DNAH3: variants seen among roughly 807,000 people sequenced by gnomAD.
DNAH3 encodes the protein axonemal beta dynein heavy chain 3.
In DNAH3, 332 loss-of-function variants were observed where a neutral mutation model predicts 432.5. The ratio of observed to expected loss-of-function variants is 0.77; its 90% CI spans 0.70 to 0.84. The LOEUF (loss-of-function observed/expected upper bound fraction) is 0.84. Ranked by LOEUF, DNAH3 falls within the 40% of genes least tolerant of loss-of-function variation. The probability of loss-of-function intolerance (pLI) is 0.00; values close to 1 mark genes in which losing one functional copy is unlikely to be tolerated. For synonymous variants in DNAH3, 1,956 were observed against 1,900.2 expected (o/e 1.03, Z -0.76); for missense variants, 4,861 against 5,114.0 (o/e 0.95, Z 1.51).
chr16:21,031,347 G>C, intron 36 of DNAH3, 61 bp from the exon 37 acceptor site: 1 of 1,588,808 alleles, frequency 6.3e-7, no homozygotes, highest in African/African-American at 1.3e-5. Context: ...GGTTAAACAA[G>C]AGATGATGTC....
At chr16:20,972,238 CTT>C (rs567074716) in intron 51 of DNAH3, among the ~76,000 whole-genome samples, 28 of 142,940 alleles carry the variant, frequency 2.0e-4, no homozygotes, top group African/African-American at 4.4e-4. Flanking sequence ...TTTTTTCTCT[CTT>C]TTTTTTTTTT....
At chr16:21,063,579 G>T (rs957181373) in intron 24 of DNAH3, among the ~76,000 whole-genome samples, 1 of 147,396 alleles carries the variant, frequency 6.8e-6, no homozygotes, top group African/African-American at 2.5e-5. Context: ...GTCTGTCTCT[G>T]TCACCCGGCC....
intron 11 of DNAH3, chr16:21,117,320 G>C (rs770584549): frequency 1.1e-5 from 18 of 1,596,456 alleles, no homozygotes; most frequent in Admixed American, 8.5e-5. Context: ...TTTCAGCTCT[G>C]GGAACAGGAC....
chr16:21,055,840 A>G (rs1239394035), intron 27 of DNAH3, among the ~76,000 whole-genome samples: 2 of 149,900 alleles, frequency 1.3e-5, no homozygotes, highest in East Asian at 2.0e-4. Context: ...CGACCTCCTG[A>G]GCTCAAGCAA....
chr16:21,136,471 T>C (rs1401606924), exon 6 of DNAH3: 1 of 1,614,036 alleles, frequency 6.2e-7, no homozygotes, highest in Non-Finnish European at 8.5e-7. Context: ...TCAGGGGCAA[T>C]CATGTCTTTG....
intron 41 of DNAH3, among the ~76,000 whole-genome samples, chr16:21,004,614 C>T (rs1035934147): frequency 6.6e-6 from 1 of 152,078 alleles, no homozygotes; most frequent in Non-Finnish European, 1.5e-5. Flanking sequence ...GTGATCCACC[C>T]GACTTGGCCT....
chr16:21,142,631 C>T (rs2092734560), intron 3 of DNAH3, among the ~76,000 whole-genome samples: 1 of 150,406 alleles, frequency 6.6e-6, no homozygotes, highest in Admixed American at 6.6e-5. Flanking sequence ...AAATAGTCCA[C>T]ATATAACAAC....
intron 18 of DNAH3, 93 bp from the exon 19 acceptor site, chr16:21,087,153 T>C: frequency 9.3e-7 from 1 of 1,069,896 alleles, no homozygotes; most frequent in Non-Finnish European, 1.4e-6. Flanking sequence ...GTGCCTCCTG[T>C]CGTTTGGAGA....
intron 53 of DNAH3, among the ~76,000 whole-genome samples, chr16:20,959,674 G>A (rs2152611119): frequency 6.6e-6 from 1 of 150,900 alleles, no homozygotes; most frequent in Non-Finnish European, 1.5e-5. Context: ...CAAAAGGTGG[G>A]GTTCACATTA....
At chr16:20,957,266 A>G (rs995210864) in intron 54 of DNAH3, among the ~76,000 whole-genome samples, 1 of 152,254 alleles carries the variant, frequency 6.6e-6, no homozygotes, top group Non-Finnish European at 1.5e-5. Context: ...GTGAGCCCAC[A>G]TGATCTCTGC....
intron 1 of DNAH3, among the ~76,000 whole-genome samples, chr16:21,154,479 C>T (rs2092886049): frequency 6.6e-6 from 1 of 151,902 alleles, no homozygotes; most frequent in Non-Finnish European, 1.5e-5. Flanking sequence ...AGGAGGTATG[C>T]TACCATCTGA....
At position 20,933,310 on chromosome 16, in the gene DNAH3, AT is replaced by A; in HGVS notation, c.12194del (p.Tyr4065LeufsTer40). The A allele has an allele frequency of 6.2e-7, 1 of 1,614,188 alleles. No homozygotes were observed. The highest frequency in any genetic ancestry group is 8.5e-7 in the Non-Finnish European group (1 of 1,180,028). On this transcript the variant is annotated frameshift_variant, in exon 62 of 62. Transcript: ENST00000261383. LOFTEE classifies it high-confidence loss of function. Reference sequence around the variant, plus strand: ...CACTTGTTTTGTAGACTGGACACACATAGATGTCCTGATGCAGAAACATTGC... The same window carrying A: ...CACTTGTTTTGTAGACTGGACACACAAGATGTCCTGATGCAGAAACATTGC...
intron 39 of DNAH3, among the ~76,000 whole-genome samples, chr16:21,024,193 G>GA: frequency 6.6e-6 from 1 of 152,138 alleles, no homozygotes; most frequent in African/African-American, 2.4e-5. Context: ...CAGAGTCCAG[G>GA]TTACAGGGAT....
chr16:21,140,273 C>G (rs992550556), intron 5 of DNAH3: 6 of 292,146 alleles, frequency 2.1e-5, no homozygotes, highest in Non-Finnish European at 3.1e-5. Context: ...ACTATTTTTG[C>G]AACTTATATT....
chr16:21,159,313 C>A, intron 1 of DNAH3: 2 of 1,609,158 alleles, frequency 1.2e-6, no homozygotes, highest in Non-Finnish European at 1.7e-6. Context: ...GGGACGCGGA[C>A]CCCCTCTCCA....
In DNAH3 at chr16:21,136,406, C is replaced by CG; in HGVS notation, c.803dup (p.Ser269GlufsTer18). On this transcript the variant is annotated frameshift_variant, in exon 6 of 62. Coordinates refer to ENST00000261383, the Ensembl canonical transcript of DNAH3. LOFTEE classifies it high-confidence loss of function. ...CCATCAGGGGCTCCAGGAAGGGACTCGTCAGCAGCGTGTTAGAAATCAGCT... is the reference window on the plus strand; with the variant it reads ...CCATCAGGGGCTCCAGGAAGGGACTCGGTCAGCAGCGTGTTAGAAATCAGCT... 5.0e-6 allele frequency: 8 copies of CG among 1,614,052 alleles called. No homozygotes were observed. Among genetic ancestry groups the CG allele is most frequent in the Non-Finnish European group, 6.8e-6 (8 of 1,179,960 alleles).
At chr16:20,987,329 A>C in exon 47 of DNAH3, 1 of 1,614,178 alleles carries the variant, frequency 6.2e-7, no homozygotes, top group African/African-American at 1.3e-5. Flanking sequence ...GCTTGAAGCA[A>C]TTGGAGGTGG....
chr16:20,938,578 G>T (rs923923253), intron 59 of DNAH3, among the ~76,000 whole-genome samples: 4 of 143,216 alleles, frequency 2.8e-5, no homozygotes, highest in Non-Finnish European at 6.0e-5. Flanking sequence ...CCCAAGGAAA[G>T]AACACTTGCC....
chr16:20,988,409 T>C (rs913911227), intron 44 of DNAH3, among the ~76,000 whole-genome samples: 5 of 152,168 alleles, frequency 3.3e-5, no homozygotes, highest in Admixed American at 1.3e-4. Context: ...TCATATCATG[T>C]TGTATTATAT....
Sources: allele counts gnomAD v4.1 joint callset (sites outside exome capture counted in the v4.1 genomes callset), GRCh38; gene constraint gnomAD v4.1.1; transcripts MANE v1.5; gene names NCBI Gene and HGNC (gene_info 2026-07-23, HGNC 2026-07-21).